DNAH1: variants seen among roughly 807,000 people sequenced by gnomAD.
The protein encoded by DNAH1 is axonemal beta dynein heavy chain 1.
DNAH1 carries 327 observed loss-of-function variants against 484.3 expected under a neutral mutation model. The observed-to-expected ratio is 0.68, with a 90% CI of 0.62 to 0.74. The LOEUF is 0.74. Ranked by LOEUF, DNAH1 falls within the 30% of genes least tolerant of loss-of-function variation. The pLI is 0.00. For synonymous variants in DNAH1, 2,192 were observed against 2,191.9 expected (o/e 1.00, Z 0.00); for missense variants, 5,052 against 5,546.8 (o/e 0.91, Z 2.83).
intron 6 of DNAH1, among the ~76,000 whole-genome samples, chr3:52,329,207 C>A (rs187232076): frequency 1.3e-5 from 2 of 152,132 alleles, no homozygotes; most frequent in Admixed American, 1.3e-4. Flanking sequence ...CTGCTTACAC[C>A]CCTTCACATG....
chr3:52,388,880 C>T lies in DNAH1; in HGVS notation c.9438C>T (p.Asn3146=), dbSNP rs745518712. The T allele has an allele frequency of 1.1e-5, 18 of 1,613,534 alleles. No individual in the cohort carries two copies. The highest frequency in any genetic ancestry group is 1.5e-5 in the Non-Finnish European group (18 of 1,179,748). ...AGAACCTGCAGTACATGCTCAACAA[C>T]ATCTCCGGCGATGTCCTGGTGGCCG... The part of the protein sequence containing the change: ...TVENLQYMLN[N]ISGDVLVAAG... The change falls in exon 59 of 78, where the codon AAC becomes AAT. Residue 3146 remains asparagine, a synonymous_variant. Transcript: ENST00000420323.
At chr3:52,336,245 T>A (rs1162519748) in intron 8 of DNAH1, among the ~76,000 whole-genome samples, 1 of 152,150 alleles carries the variant, frequency 6.6e-6, no homozygotes, top group Non-Finnish European at 1.5e-5. Flanking sequence ...TGGTTTGAGG[T>A]CTGACATTTA....
chr3:52,397,951 G>A, intron 74 of DNAH1, 74 bp downstream of exon 74: 2 of 1,578,994 alleles, frequency 1.3e-6, no homozygotes, highest in Non-Finnish European at 1.7e-6. Flanking sequence ...TCCCCTGTGG[G>A]AAGGACCCCT....
intron 4 of DNAH1, 49 bp from the exon 5 acceptor site, chr3:52,326,686 C>T (rs756014930): frequency 1.9e-6 from 3 of 1,543,924 alleles, no homozygotes; most frequent in Admixed American, 1.9e-5. Flanking sequence ...CATGGAGCCA[C>T]CTCACACGAG....
In DNAH1 at chr3:52,358,853, G is replaced by T. The variant is rs924201905; in HGVS notation, c.4266+116G>T. On this transcript the variant is annotated intron_variant, in intron 25 of 77. Coordinates refer to ENST00000420323, the MANE Select transcript of DNAH1 (RefSeq NM_015512.5). The surrounding 1 kb of genome is among the most constrained non-coding windows in gnomAD (Gnocchi z 4.2). ...GGCTGCAGCCCTGAGGTCCCTGGGG[G>T]CTCAGGCGGGATTCTGGAGTCTTTC... The T allele has an allele frequency of 2.4e-6, 3 of 1,234,182 alleles. No individual in the cohort carries two copies. The highest frequency in any genetic ancestry group is 3.1e-5 in the African/African-American group (2 of 65,306). The allele number at this position is 1,234,182 out of a possible 1,614,324, so 76.5% of individuals were successfully genotyped here.
intron 8 of DNAH1, among the ~76,000 whole-genome samples, chr3:52,343,864 T>TGAGC (rs1205072966): frequency 6.6e-6 from 1 of 151,752 alleles, no homozygotes; most frequent in Non-Finnish European, 1.5e-5. Flanking sequence ...GAGGAGTGAG[T>TGAGC]GAGCGAGTGA....
rs774502208 is a variant in DNAH1 at position 52,351,971 on chromosome 3, C to T, written c.2739C>T (p.Ala913=). The change falls in exon 17 of 78, where the codon GCC becomes GCT. Residue 913 remains alanine, a synonymous_variant. Coordinates refer to ENST00000420323, the MANE Select transcript of DNAH1 (RefSeq NM_015512.5). ...SSDDFNDKWI[A]SNWPSKILGQ... ...CCCCCATCCCGGCCAGATGGATTGCCAGCAACTGGCCTTCTAAGATCCTTG... is the reference window on the plus strand; with the variant it reads ...CCCCCATCCCGGCCAGATGGATTGCTAGCAACTGGCCTTCTAAGATCCTTG... 3.7e-5 allele frequency: 59 copies of T among 1,601,844 alleles called. No individual in the cohort carries two copies. Among genetic ancestry groups the T allele is most frequent in the Admixed American group, 5.1e-5 (3 of 58,408 alleles).
At chr3:52,345,771 G>T (rs1239622961) in intron 10 of DNAH1, 65 bp downstream of exon 10, 1 of 1,515,420 alleles carries the variant, frequency 6.6e-7, no homozygotes, top group East Asian at 2.4e-5. Context: ...GCAGGCACAG[G>T]TCGGGGCTGC....
Position 52,385,433 on chromosome 3 carries a change from A to G in DNAH1, c.8611A>G (p.Met2871Val). 1 of 1,551,892 alleles carries G rather than the reference A, an allele frequency of 6.4e-7. No individual in the cohort carries two copies. Among genetic ancestry groups the G allele is most frequent in the South Asian group, 1.2e-5 (1 of 84,078 alleles). The change falls in exon 54 of 78, where the codon ATG (methionine) becomes GTG (valine). Residue 2871 changes from methionine (M) to valine (V), a missense_variant. This residue lies in a region of DNAH1 where 2,929 missense variants were observed against 3,409.4 expected (regional missense o/e 0.86). Coordinates refer to ENST00000420323, the MANE Select transcript of DNAH1 (RefSeq NM_015512.5). ...EEAAKDTMLTMEQIKVDTAIA... is the reference protein window; with the variant it reads ...EEAAKDTMLTVEQIKVDTAIA... ...GGCTGCCAAGGACACCATGCTCACC[A>G]TGGAGCAGATCAAGGTTGGGGTGCT...
At position 52,349,060 on chromosome 3, in the gene DNAH1, A is replaced by G. The variant is rs1457163088; in HGVS notation, c.2279A>G (p.Asn760Ser). The G allele has an allele frequency of 1.9e-6, 3 of 1,612,878 alleles. No individual in the cohort carries two copies. Among genetic ancestry groups the G allele is most frequent in the Admixed American group, 3.3e-5 (2 of 60,032 alleles). Residue 760 changes from asparagine (N) to serine (S), a missense_variant, in exon 13 of 78, where the codon AAT (asparagine) becomes AGT (serine). Asn to Ser is a conservative substitution (Grantham distance 46, BLOSUM62 1). Around this residue, in one of 4 missense-constraint regions of DNAH1, gnomAD observed 1,263 missense variants for 1,218.8 expected, o/e 1.04. Coordinates refer to ENST00000420323, the MANE Select transcript of DNAH1 (RefSeq NM_015512.5). The stretch of plus-strand genomic sequence containing the variant: ...CGAAAGTACCTGGAGCTGAACAACA[A>G]TGACATTGCCTCCTTTCTCAAGTGC... ...EYRKYLELNNNDIASFLKTYQ... is the reference protein window; with the variant it reads ...EYRKYLELNNSDIASFLKTYQ...
In DNAH1 at chr3:52,381,558, A is replaced by G; in HGVS notation, c.7609-82A>G. 2 of 1,354,328 alleles carry G rather than the reference A, an allele frequency of 1.5e-6. No homozygotes were observed. Among genetic ancestry groups the G allele is most frequent in the South Asian group, 2.9e-5 (2 of 69,618 alleles). 83.9% of individuals were successfully genotyped at this position (1,354,328 alleles called of 1,614,324 possible). ...CTGTGCTTCTCAGTCAGGACAGAGAAGAAAGCGGGTGGGTGGGGGGAATCG... is the reference window on the plus strand; with the variant it reads ...CTGTGCTTCTCAGTCAGGACAGAGAGGAAAGCGGGTGGGTGGGGGGAATCG... On this transcript the variant is annotated intron_variant, in intron 48 of 77. Coordinates refer to ENST00000420323, the MANE Select transcript of DNAH1 (RefSeq NM_015512.5). The surrounding 1 kb of genome is among the most constrained non-coding windows in gnomAD (Gnocchi z 4.1).
intron 9 of DNAH1, 55 bp from the exon 10 acceptor site, chr3:52,345,440 C>G: frequency 6.9e-7 from 1 of 1,456,794 alleles, no homozygotes; most frequent in Middle Eastern, 2.0e-4. Context: ...TCTGTCCTGT[C>G]CCCTGGTTTG....
rs1162135842 is a variant in DNAH1 at position 52,368,032 on chromosome 3, C to T, written c.5766-709C>T. ...TATAGCCAAGGGGCAGGGTGAGCAT[C>T]AGTGGGTGGAAAATCCAGAGGAAAC... On this transcript the variant is annotated intron_variant, in intron 36 of 77. Coordinates refer to ENST00000420323, the MANE Select transcript of DNAH1 (RefSeq NM_015512.5). The surrounding 1 kb of genome is among the most constrained non-coding windows in gnomAD (Gnocchi z 4.4). Among the ~76,000 whole-genome samples the T allele has an allele frequency of 6.6e-6, 1 of 152,158 alleles. No homozygotes were observed. The highest frequency in any genetic ancestry group is 1.5e-5 in the Non-Finnish European group (1 of 68,032).
rs750147857 is a variant in DNAH1, at chr3:52,375,606, C to T, written c.7159+193C>T. On this transcript the variant is annotated intron_variant, in intron 45 of 77. Coordinates refer to ENST00000420323, the MANE Select transcript of DNAH1 (RefSeq NM_015512.5). ...CTCTGAGCCTGTTTCTTCATCTGTA[C>T]CTACCATTCCAGGTCGTGAGGGTTA... Among the ~76,000 whole-genome samples, 9 of 152,176 alleles carry T rather than the reference C, an allele frequency of 5.9e-5. No individual in the cohort carries two copies. The South Asian group carries it at 6.2e-4, about 10-fold the overall frequency.
chr3:52,346,631 A>C lies in DNAH1; in HGVS notation c.1816A>C (p.Met606Leu). 1.2e-6 allele frequency: 2 copies of C among 1,614,054 alleles called. No homozygotes were observed. Among genetic ancestry groups the C allele is most frequent in the African/African-American group, 1.3e-5 (1 of 75,064 alleles). Residue 606 changes from methionine to leucine, a missense_variant, in exon 11 of 78, where the codon ATG becomes CTG. Physicochemically the swap from Met to Leu is conservative, Grantham distance 15. Coordinates refer to ENST00000420323, the MANE Select transcript of DNAH1 (RefSeq NM_015512.5). ...CAAGCTGATGGAGCTGGTGAAGTACATGCTGCAGGACACACTGCGCTTCCT... is the reference window on the plus strand; with the variant it reads ...CAAGCTGATGGAGCTGGTGAAGTACCTGCTGCAGGACACACTGCGCTTCCT... ...LRKLMELVKY[M>L]LQDTLRFLVQ...
intron 8 of DNAH1, among the ~76,000 whole-genome samples, chr3:52,333,515 G>C (rs1049018016): frequency 6.6e-6 from 1 of 150,612 alleles, no homozygotes; most frequent in Non-Finnish European, 1.5e-5. Context: ...AGCCTCCTGG[G>C]TAGCTGGGAT....
chr3:52,398,760 G>T, intron 75 of DNAH1, 90 bp from the exon 76 acceptor site: 1 of 1,188,960 alleles, frequency 8.4e-7, no homozygotes, highest in Non-Finnish European at 1.1e-6. Flanking sequence ...TTTTGCCATT[G>T]TTTTTCACTC....
chr3:52,323,754 C>T, intron 2 of DNAH1, 54 bp from the exon 3 acceptor site: 1 of 1,487,788 alleles, frequency 6.7e-7, no homozygotes. Context: ...CTCCCGGGTC[C>T]TGCCTGTCCC....
In DNAH1 at chr3:52,355,330, TGAGAACTGCCAGGCGGCCTCCC is replaced by T. The variant is rs1702565617; in HGVS notation, c.3693+276_3693+297del. Among the ~76,000 whole-genome samples the T allele has an allele frequency of 6.6e-6, 1 of 152,202 alleles. No individual in the cohort carries two copies. The highest frequency in any genetic ancestry group is 6.5e-5 in the Admixed American group (1 of 15,286). On this transcript the variant is annotated intron_variant, in intron 21 of 77. Transcript: ENST00000420323. This position sits in a 1 kb window ranked among gnomAD's most constrained non-coding sequence, Gnocchi z 4.5. ...CCCAAAATGTGGTTGAGGATAGGCC[TGAGAACTGCCAGGCGGCCTCCC>T]CAGGGCTGCCTGAGCTTGGGACAAC... is the stretch of plus-strand genomic sequence containing the variant.
Sources: allele counts gnomAD v4.1 joint callset (sites outside exome capture counted in the v4.1 genomes callset), GRCh38; gene constraint gnomAD v4.1.1; regional missense constraint gnomAD v4.1.1; non-coding constraint Gnocchi (gnomAD v3.1); transcripts MANE v1.5; gene names NCBI Gene and HGNC (gene_info 2026-07-23, HGNC 2026-07-21).